Variants in KCNIP4 observed in about 807,000 individuals in gnomAD.
The protein encoded by KCNIP4 is potassium voltage-gated channel interacting protein 4, also known as Kv channel-interacting protein 4.
Under a neutral mutation model 34.0 loss-of-function variants are expected in KCNIP4, and 12 were observed. That is an observed-to-expected ratio of 0.35 (90% CI 0.23 to 0.57). The LOEUF (loss-of-function observed/expected upper bound fraction) is 0.57. KCNIP4 is among the 20% of genes least tolerant of loss of function. The probability of loss-of-function intolerance (pLI) is 0.83; values close to 1 mark genes in which losing one functional copy is unlikely to be tolerated. For synonymous variants in KCNIP4, 124 were observed against 102.2 expected, an observed-to-expected ratio of 1.21 and a Z score of -1.29; for missense variants, 238 against 311.7, an observed-to-expected ratio of 0.76 and a Z score of 1.78.
Position 21,348,238 on chromosome 4 carries a change from T to C in KCNIP4, c.62-465529A>G, listed in dbSNP as rs1254340949. ...TGCTGTGGTCATAACTGAGAAGATA[T>C]ATTATTATCAAGTCACTAACAGTCT... On this transcript the variant is annotated intron_variant, in intron 1 of 8. Transcript: ENST00000382152. Among the ~76,000 whole-genome samples the C allele has an allele frequency of 3.9e-5, 6 of 152,284 alleles. No homozygotes were observed. In the East Asian group the frequency reaches 9.7e-4, roughly 25 times the overall value.
At position 20,759,649 on chromosome 4, in the gene KCNIP4, A is replaced by AG. The variant is rs556233345; in HGVS notation, c.289-760_289-759insC. Among the ~76,000 whole-genome samples, 83 of 152,002 alleles carry AG rather than the reference A, an allele frequency of 5.5e-4. 1 individual carries two copies. Among genetic ancestry groups the AG allele is most frequent in the African/African-American group, 2.0e-3 (81 of 41,456 alleles). On this transcript the variant is annotated intron_variant, in intron 3 of 8. Coordinates refer to ENST00000382152, the MANE Select transcript of KCNIP4 (RefSeq NM_025221.6). ...GTTTTGGCATTTTTGCTAATAAAAA[A>AG]AAGAAAAAAAGAAACTTTAAAGTGT...
In KCNIP4 at chr4:20,850,691, T is replaced by A. The variant is rs532223329; in HGVS notation, c.164-24A>T. On this transcript the variant is annotated intron_variant, in intron 2 of 8. Transcript: ENST00000382152. ...GTCTGTGGAGGAAAACAAGAAAGAG[T>A]CTTAGGACCAGCCACTGCTCACCGA... The A allele has an allele frequency of 3.7e-6, 6 of 1,607,388 alleles. No individual in the cohort carries two copies. In the South Asian group the frequency reaches 5.5e-5, roughly 15 times the overall value.
chr4:21,787,563 A>G (rs1385108052), intron 1 of KCNIP4, among the ~76,000 whole-genome samples: 1 of 152,172 alleles, frequency 6.6e-6, no homozygotes, highest in Non-Finnish European at 1.5e-5. Flanking sequence ...TTTTACATAT[A>G]AGAAGCTGAA....
At chr4:21,835,892 C>T (rs1206623522) in intron 1 of KCNIP4, among the ~76,000 whole-genome samples, 11 of 151,872 alleles carry the variant, frequency 7.2e-5, no homozygotes, top group Admixed American at 7.2e-4. Flanking sequence ...AAGGACTGAC[C>T]TAAAAAAAAT....
chr4:21,607,784 C>T (rs1333766867), intron 1 of KCNIP4, among the ~76,000 whole-genome samples: 1 of 152,094 alleles, frequency 6.6e-6, no homozygotes, highest in Non-Finnish European at 1.5e-5. Context: ...ATCTGCCTCC[C>T]TTTCTCACAG....
intron 1 of KCNIP4, among the ~76,000 whole-genome samples, chr4:21,604,401 AG>A (rs1743469763): frequency 6.6e-6 from 1 of 152,198 alleles, no homozygotes; most frequent in African/African-American, 2.4e-5. Context: ...TTGCTCAGCT[AG>A]TAATTTTAGG....
intron 1 of KCNIP4, among the ~76,000 whole-genome samples, chr4:21,200,941 T>C (rs1449286440): frequency 6.6e-6 from 1 of 152,130 alleles, no homozygotes; most frequent in East Asian, 1.9e-4. Context: ...TGCCACTTCC[T>C]CCACAGTCCC....
chr4:21,139,401 T>C (rs751932778), intron 1 of KCNIP4, among the ~76,000 whole-genome samples: 3 of 152,220 alleles, frequency 2.0e-5, no homozygotes, highest in South Asian at 2.1e-4. Flanking sequence ...TTTTTGAGCA[T>C]GTACTAGGTA....
chr4:21,435,885 C>A (rs1007137861), intron 1 of KCNIP4, among the ~76,000 whole-genome samples: 1 of 152,144 alleles, frequency 6.6e-6, no homozygotes, highest in Admixed American at 6.5e-5. Flanking sequence ...TTGCTCTAAT[C>A]TGCTTTTATT....
At chr4:21,780,197 G>A (rs1444737143) in intron 1 of KCNIP4, among the ~76,000 whole-genome samples, 2 of 152,104 alleles carry the variant, frequency 1.3e-5, no homozygotes, top group Non-Finnish European at 2.9e-5. Context: ...TCTGGAAGCA[G>A]GAAATTGTGA....
At chr4:21,738,942 GAC>G (rs1716208742) in intron 1 of KCNIP4, among the ~76,000 whole-genome samples, 1 of 152,092 alleles carries the variant, frequency 6.6e-6, no homozygotes, top group Admixed American at 6.6e-5. Context: ...ATTATTATAA[GAC>G]ACAAATATCT....
chr4:21,093,865 A>G (rs9997005), intron 1 of KCNIP4, among the ~76,000 whole-genome samples: 28,360 of 152,024 alleles, frequency 0.19, 2,784 homozygotes, highest in East Asian at 0.24. Context: ...GGAGGATCAC[A>G]AGGTGAGGAG....
At chr4:21,144,756 A>AC (rs1379505803) in intron 1 of KCNIP4, among the ~76,000 whole-genome samples, 2 of 152,202 alleles carry the variant, frequency 1.3e-5, no homozygotes, top group Non-Finnish European at 2.9e-5. Context: ...TTGAAAACTT[A>AC]GAGCCATTTT....
At chr4:20,853,161 G>C (rs1262830282) in intron 2 of KCNIP4, among the ~76,000 whole-genome samples, 10 of 152,052 alleles carry the variant, frequency 6.6e-5, no homozygotes, top group Non-Finnish European at 1.0e-4. Context: ...CCAAAAAAGA[G>C]CCCGCATGGC....
At chr4:21,200,343 C>T (rs1577877055) in intron 1 of KCNIP4, among the ~76,000 whole-genome samples, 1 of 104,178 alleles carries the variant, frequency 9.6e-6, no homozygotes, top group South Asian at 3.0e-4. Flanking sequence ...TATATACATA[C>T]ATATATGTGT....
chr4:21,779,930 CAAAAA>C lies in KCNIP4; in HGVS notation c.61+168636_61+168640del, dbSNP rs10564487. Among the ~76,000 whole-genome samples, 255 of 138,378 alleles carry C rather than the reference CAAAAA, an allele frequency of 1.8e-3. 1 individual carries two copies. Among genetic ancestry groups the C allele is most frequent in the African/African-American group, 6.3e-3 (230 of 36,780 alleles). The allele number at this position is 138,378 out of a possible 152,430, so 90.8% of individuals were successfully genotyped here. A position where few individuals can be genotyped will look rare whatever the true frequency, so the allele number is the denominator to read the frequency against. ...TAAGCAATAGAGTAAGATCCTGTCT[CAAAAA>C]AAAAAAAAAAGGAAGAATATTATTG... On this transcript the variant is annotated intron_variant, in intron 1 of 8. Transcript: ENST00000382152.
chr4:21,519,872 T>A (rs879678462), intron 1 of KCNIP4, among the ~76,000 whole-genome samples: 4 of 145,108 alleles, frequency 2.8e-5, no homozygotes, highest in Admixed American at 6.9e-5. Context: ...TTTATATATA[T>A]AAATTATATA....
At position 21,876,887 on chromosome 4, in the gene KCNIP4, A is replaced by G. The variant is rs117607368; in HGVS notation, c.61+71684T>C. ...GATTATTTATGTTAGCACACTCTCA[A>G]ATTTGTAGTGATAACAGGCCATGTG... is the stretch of plus-strand genomic sequence containing the variant. On this transcript the variant is annotated intron_variant, in intron 1 of 8. Coordinates refer to ENST00000382152, the MANE Select transcript of KCNIP4 (RefSeq NM_025221.6). Among the ~76,000 whole-genome samples the G allele has an allele frequency of 5.9e-5, 9 of 152,208 alleles. No homozygotes were observed. The East Asian group carries it at 1.7e-3, about 29-fold the overall frequency.
In KCNIP4 at chr4:20,809,789, C is replaced by T. The variant is rs192083329; in HGVS notation, c.288+40754G>A. On this transcript the variant is annotated intron_variant, in intron 3 of 8. Transcript: ENST00000382152. Reference sequence around the variant, plus strand: ...GAAACCTCTTAAAGTTTGGCTTGCCCCATGGAGGTGAATGCAGCTGCAGCT... The same window carrying T: ...GAAACCTCTTAAAGTTTGGCTTGCCTCATGGAGGTGAATGCAGCTGCAGCT... Among the ~76,000 whole-genome samples the T allele has an allele frequency of 2.4e-3, 371 of 152,268 alleles. 2 individuals are homozygous for T. The highest frequency in any genetic ancestry group is 8.2e-3 in the African/African-American group (340 of 41,540).
Sources: gnomAD v4.1 joint callset for allele counts (sites outside exome capture counted in the v4.1 genomes callset) on GRCh38, gnomAD v4.1.1 for gene constraint, MANE v1.5 for transcripts, NCBI Gene and HGNC (gene_info 2026-07-23, HGNC 2026-07-21) for gene names.